The following LRP1B variants were observed in gnomAD, a reference collection of about 807,000 sequenced individuals.
LRP1B encodes LDL receptor related protein 1B.
LRP1B carries 217 observed loss-of-function variants against 556.6 expected under a neutral mutation model. The observed-to-expected ratio is 0.39, with a 90% CI of 0.35 to 0.44. The LOEUF (loss-of-function observed/expected upper bound fraction) is 0.44. LRP1B is among the 20% of genes least tolerant of loss of function. The pLI is 1.00. For synonymous variants in LRP1B, 2,047 were observed against 1,865.8 expected (o/e 1.10, Z -2.50); for missense variants, 5,053 against 5,620.8 (o/e 0.90, Z 3.23).
rs147530002 is a variant in LRP1B at position 141,020,227 on chromosome 2, C to A, written c.1790-125G>T. The stretch of plus-strand genomic sequence containing the variant: ...AGGAAAGAACTCTGATCCATGAAAT[C>A]TTTATGGTGTAATTTTTGCAAATGT... On this transcript the variant is annotated intron_variant, in intron 11 of 90. Coordinates refer to ENST00000389484, the MANE Select transcript of LRP1B (RefSeq NM_018557.3). The A allele has an allele frequency of 2.0e-3, 1,048 of 537,076 alleles. 6 individuals are homozygous for A. Among genetic ancestry groups the A allele is most frequent in the African/African-American group, 0.018 (916 of 51,340 alleles). 33.3% of individuals were successfully genotyped at this position (537,076 alleles called of 1,614,324 possible). A position where few individuals can be genotyped will look rare whatever the true frequency, so the allele number is the denominator to read the frequency against.
intron 17 of LRP1B, among the ~76,000 whole-genome samples, chr2:140,988,681 T>C (rs186129620): frequency 6.6e-6 from 1 of 152,294 alleles, no homozygotes; most frequent in Non-Finnish European, 1.5e-5. Context: ...GAGGTTGCCC[T>C]GTATTTTTCA....
chr2:140,995,090 G>A (rs1697204965), intron 15 of LRP1B, among the ~76,000 whole-genome samples: 1 of 151,974 alleles, frequency 6.6e-6, no homozygotes, highest in Non-Finnish European at 1.5e-5. Context: ...GGAACTGCCT[G>A]TTTTAACCTG....
At chr2:141,901,223 C>T (rs936088134) in intron 1 of LRP1B, among the ~76,000 whole-genome samples, 1 of 151,912 alleles carries the variant, frequency 6.6e-6, no homozygotes, top group African/African-American at 2.4e-5. Flanking sequence ...TCTACCAACA[C>T]ATAGGCAGAA....
intron 1 of LRP1B, among the ~76,000 whole-genome samples, chr2:142,047,514 G>T (rs1181566848): frequency 3.3e-5 from 5 of 151,118 alleles, no homozygotes; most frequent in Non-Finnish European, 7.4e-5. Flanking sequence ...ACCACTTTGG[G>T]ATATTTTATG....
chr2:141,112,017 G>C (rs1340233963), intron 7 of LRP1B, among the ~76,000 whole-genome samples: 1 of 151,526 alleles, frequency 6.6e-6, no homozygotes, highest in African/African-American at 2.4e-5. Context: ...CTGCACTCCA[G>C]CCTGGGCAAC....
intron 41 of LRP1B, among the ~76,000 whole-genome samples, chr2:140,606,794 C>T (rs1009724228): frequency 6.6e-6 from 1 of 151,956 alleles, no homozygotes; most frequent in African/African-American, 2.4e-5. Flanking sequence ...CATACACCCA[C>T]ACATATAACT....
At chr2:141,791,513 GTTAAC>G (rs1171530194) in intron 2 of LRP1B, among the ~76,000 whole-genome samples, 2 of 151,992 alleles carry the variant, frequency 1.3e-5, no homozygotes, top group Non-Finnish European at 2.9e-5. Flanking sequence ...TTGCTGGATT[GTTAAC>G]TTATTAACCA....
At chr2:140,968,772 T>G (rs1226369599) in intron 18 of LRP1B, among the ~76,000 whole-genome samples, 1 of 152,216 alleles carries the variant, frequency 6.6e-6, no homozygotes, top group African/African-American at 2.4e-5. Context: ...TATTTCTGCC[T>G]TCATTTCGTT....
chr2:140,501,732 G>T lies in LRP1B; in HGVS notation c.8805C>A (p.Val2935=). 2 of 1,612,456 alleles carry T rather than the reference G, an allele frequency of 1.2e-6. No individual in the cohort carries two copies. The highest frequency in any genetic ancestry group is 2.2e-5 in the East Asian group (1 of 44,824). ...CHINECLSKK[V]SGCSQDCQDL... ...CTTGACAGTCTTGAGAACATCCACT[G>T]ACTTTCTTACTCAAACATTCATTTA... The change falls in exon 55 of 91, where the codon GTC becomes GTA. Residue 2935 remains valine (V), a synonymous_variant. Coordinates refer to ENST00000389484, the MANE Select transcript of LRP1B (RefSeq NM_018557.3).
intron 82 of LRP1B, among the ~76,000 whole-genome samples, chr2:140,321,314 C>A (rs907683103): frequency 5.3e-5 from 8 of 151,700 alleles, no homozygotes; most frequent in Admixed American, 3.9e-4. Flanking sequence ...CAGCTTCTAG[C>A]TTCTGAAATA....
intron 3 of LRP1B, among the ~76,000 whole-genome samples, chr2:141,394,281 C>T (rs1472634640): frequency 2.6e-5 from 4 of 151,994 alleles, no homozygotes; most frequent in African/African-American, 9.7e-5. Flanking sequence ...ACTTTCAGGA[C>T]TTTTCTGGTA....
chr2:141,284,772 A>T (rs1685642472), intron 3 of LRP1B, among the ~76,000 whole-genome samples: 1 of 152,174 alleles, frequency 6.6e-6, no homozygotes, highest in Admixed American at 6.5e-5. Flanking sequence ...AATCAAAATG[A>T]TTGATTAAGT....
At chr2:141,624,255 A>G (rs1036577627) in intron 2 of LRP1B, among the ~76,000 whole-genome samples, 1 of 152,058 alleles carries the variant, frequency 6.6e-6, no homozygotes, top group Non-Finnish European at 1.5e-5. Context: ...CATAGGCATA[A>G]TATTATACAA....
At chr2:140,988,817 T>A (rs1697005422) in intron 17 of LRP1B, among the ~76,000 whole-genome samples, 1 of 152,090 alleles carries the variant, frequency 6.6e-6, no homozygotes, top group Non-Finnish European at 1.5e-5. Flanking sequence ...TTTTTATGAA[T>A]CATATCAATA....
At chr2:141,271,269 T>C (rs1685079338) in intron 3 of LRP1B, among the ~76,000 whole-genome samples, 1 of 151,432 alleles carries the variant, frequency 6.6e-6, no homozygotes, top group Non-Finnish European at 1.5e-5. Context: ...TCAGTAAGTA[T>C]GCCAACATAC....
intron 31 of LRP1B, among the ~76,000 whole-genome samples, chr2:140,827,536 T>G (rs187211523): frequency 6.6e-6 from 1 of 151,154 alleles, no homozygotes. Context: ...ATAAGTAAGC[T>G]TAAAGAGAGG....
intron 43 of LRP1B, among the ~76,000 whole-genome samples, chr2:140,566,040 G>A (rs890115672): frequency 6.6e-5 from 10 of 152,072 alleles, no homozygotes; most frequent in African/African-American, 2.4e-4. Context: ...ACCCTGCATG[G>A]CTTCTCTGCT....
chr2:140,895,861 C>T (rs79118851), intron 23 of LRP1B, among the ~76,000 whole-genome samples: 8,485 of 152,198 alleles, frequency 0.056, 242 homozygotes, highest in East Asian at 0.1. Flanking sequence ...TTCTCAACAA[C>T]GCCAAGCTGT....
intron 3 of LRP1B, among the ~76,000 whole-genome samples, chr2:141,462,658 T>TA (rs144441266): frequency 0.019 from 2,946 of 152,020 alleles, 78 homozygotes; most frequent in African/African-American, 0.062. Flanking sequence ...CTCAAAAAAA[T>TA]AAAAAAATTA....
Sources: allele counts gnomAD v4.1 joint callset (sites outside exome capture counted in the v4.1 genomes callset), GRCh38; gene constraint gnomAD v4.1.1; transcripts MANE v1.5; gene names NCBI Gene and HGNC (gene_info 2026-07-23, HGNC 2026-07-21).